The following SLC6A6 variants were observed in gnomAD, a reference collection of about 807,000 sequenced individuals.
SLC6A6 encodes the protein sodium- and chloride-dependent taurine transporter.
A neutral mutation model predicts 68.8 loss-of-function variants in SLC6A6; 16 were observed. The observed-to-expected ratio is 0.23, with a 90% CI of 0.16 to 0.35. The LOEUF is 0.35. Ranked by LOEUF, SLC6A6 falls within the 10% of genes least tolerant of loss-of-function variation. The pLI, the probability that SLC6A6 is intolerant of heterozygous loss-of-function variation, is 1.00. For synonymous variants in SLC6A6, 312 were observed against 315.4 expected, an observed-to-expected ratio of 0.99 and a Z score of 0.12; for missense variants, 474 against 802.8, an observed-to-expected ratio of 0.59 and a Z score of 4.95.
intron 2 of SLC6A6, among the ~76,000 whole-genome samples, chr3:14,439,709 G>A (rs1049445625): frequency 6.6e-6 from 1 of 152,232 alleles, no homozygotes; most frequent in Non-Finnish European, 1.5e-5. Context: ...CGCCTGTGGA[G>A]GAGGACTCGC....
chr3:14,433,781 C>A, intron 2 of SLC6A6, among the ~76,000 whole-genome samples: 1 of 116,596 alleles, frequency 8.6e-6, no homozygotes, highest in East Asian at 2.6e-4. Flanking sequence ...CCAGCTTGGG[C>A]AACAGAGCTA....
chr3:14,482,905 G>A (rs1175864484), intron 14 of SLC6A6, among the ~76,000 whole-genome samples: 2 of 152,090 alleles, frequency 1.3e-5, no homozygotes, highest in Non-Finnish European at 2.9e-5. Context: ...TGACTGTCCC[G>A]AGCCCTCCAG....
At chr3:14,441,706 C>T (rs868636228) in intron 2 of SLC6A6, among the ~76,000 whole-genome samples, 4 of 152,356 alleles carry the variant, frequency 2.6e-5, no homozygotes, top group Middle Eastern at 3.4e-3. Context: ...CTCCACACCC[C>T]AAGTCCTCAG....
At chr3:14,478,304 A>C (rs927261326) in intron 11 of SLC6A6, among the ~76,000 whole-genome samples, 162 bp from the exon 12 acceptor site, 1 of 152,198 alleles carries the variant, frequency 6.6e-6, no homozygotes, top group African/African-American at 2.4e-5. Context: ...TTTGTCAAAC[A>C]TGAAGTTGAG....
At chr3:14,453,860 C>G (rs568181254) in intron 5 of SLC6A6, among the ~76,000 whole-genome samples, 1 of 152,204 alleles carries the variant, frequency 6.6e-6, no homozygotes, top group East Asian at 1.9e-4. Context: ...CTGAGGGAAG[C>G]AGTTAGGTCC....
At chr3:14,443,006 C>T (rs1050480833) in intron 2 of SLC6A6, among the ~76,000 whole-genome samples, 9 of 152,230 alleles carry the variant, frequency 5.9e-5, no homozygotes, top group Non-Finnish European at 1.0e-4. Flanking sequence ...CATCCATTCT[C>T]TATACTTGGA....
chr3:14,402,999 G>T lies in SLC6A6; in HGVS notation c.-54+152G>T, dbSNP rs1699020504. ...ACCACCGCGGAAGGGACCGAGAGTC[G>T]CCTGCTCAGTCCCGCTGGCGGGGCT... On this transcript the variant is annotated intron_variant, in intron 1 of 14. Transcript: ENST00000622186. This position sits in a 1 kb window ranked among gnomAD's most constrained non-coding sequence, Gnocchi z 4.8. Among the ~76,000 whole-genome samples, 2 of 152,212 alleles carry T rather than the reference G, an allele frequency of 1.3e-5. No individual in the cohort carries two copies. Among genetic ancestry groups the T allele is most frequent in the South Asian group, 4.1e-4 (2 of 4,834 alleles).
chr3:14,460,586 G>T (rs1055818094), intron 6 of SLC6A6, among the ~76,000 whole-genome samples: 1 of 152,226 alleles, frequency 6.6e-6, no homozygotes, highest in Non-Finnish European at 1.5e-5. Context: ...GCTGATGTCC[G>T]CCAGGGACAG....
At chr3:14,436,913 C>T (rs1699869680) in intron 2 of SLC6A6, among the ~76,000 whole-genome samples, 1 of 152,212 alleles carries the variant, frequency 6.6e-6, no homozygotes, top group Non-Finnish European at 1.5e-5. Flanking sequence ...CCTAGTTCCC[C>T]AGTTTGTCAG....
intron 14 of SLC6A6, among the ~76,000 whole-genome samples, chr3:14,483,218 G>A (rs1443408153): frequency 1.3e-5 from 2 of 152,236 alleles, no homozygotes; most frequent in East Asian, 3.9e-4. Flanking sequence ...AGTGGGTGAG[G>A]GCAGGCTTCA....
intron 13 of SLC6A6, among the ~76,000 whole-genome samples, chr3:14,479,646 AGT>A (rs1297083652): frequency 1.4e-4 from 22 of 152,192 alleles, no homozygotes; most frequent in African/African-American, 5.3e-4. Context: ...AGGTGGGGGT[AGT>A]AGCTTAGAGA....
chr3:14,421,398 C>G (rs1273954259), intron 2 of SLC6A6, among the ~76,000 whole-genome samples: 1 of 152,164 alleles, frequency 6.6e-6, no homozygotes, highest in Non-Finnish European at 1.5e-5. Flanking sequence ...CTGAGCACAT[C>G]GTTTAACCTC....
chr3:14,427,592 G>A lies in SLC6A6; in HGVS notation c.-12+11139G>A, dbSNP rs546816880. ...CCCGGTGCCCAAGGACCTTCAGCCAGGAGCTGTGGGGTTTCAAAGCTGCCA... is the reference window on the plus strand; with the variant it reads ...CCCGGTGCCCAAGGACCTTCAGCCAAGAGCTGTGGGGTTTCAAAGCTGCCA... On this transcript the variant is annotated intron_variant, in intron 2 of 14. Transcript: ENST00000622186. 1.9e-4 allele frequency among the ~76,000 whole-genome samples: 29 copies of A among 152,344 alleles called. 1 individual carries two copies. In the South Asian group the frequency reaches 5.8e-3, roughly 30 times the overall value.
rs1450844742 is a variant in SLC6A6 at position 14,472,586 on chromosome 3, A to G, written c.1209+269A>G. Among the ~76,000 whole-genome samples, 1 of 151,976 alleles carries G rather than the reference A, an allele frequency of 6.6e-6. No homozygotes were observed. The highest frequency in any genetic ancestry group is 1.5e-5 in the Non-Finnish European group (1 of 67,826). On this transcript the variant is annotated intron_variant, in intron 10 of 14. Coordinates refer to ENST00000622186, the MANE Select transcript of SLC6A6 (RefSeq NM_003043.6). The surrounding 1 kb of genome is among the most constrained non-coding windows in gnomAD (Gnocchi z 4.5). ...ATTATCTGCTAGCAGAGGGGCATCC[A>G]GAGGTTCTCGGAGTGGGTGGGTTAT... is the stretch of plus-strand genomic sequence containing the variant.
At chr3:14,456,269 C>T (rs897528083) in intron 5 of SLC6A6, among the ~76,000 whole-genome samples, 1 of 152,252 alleles carries the variant, frequency 6.6e-6, no homozygotes, top group Non-Finnish European at 1.5e-5. Context: ...GGGGAGCCCA[C>T]TGATGTCGCT....
chr3:14,428,212 G>T (rs1699645105), intron 2 of SLC6A6, among the ~76,000 whole-genome samples: 1 of 152,202 alleles, frequency 6.6e-6, no homozygotes, highest in South Asian at 2.1e-4. Context: ...GAATAGAAGG[G>T]AGGGGGCAGC....
At chr3:14,418,522 CT>C (rs1431879848) in intron 2 of SLC6A6, among the ~76,000 whole-genome samples, 1 of 152,128 alleles carries the variant, frequency 6.6e-6, no homozygotes, top group Non-Finnish European at 1.5e-5. Flanking sequence ...TGGAGGTGAC[CT>C]ACTCGACGTC....
At chr3:14,462,638 G>A (rs1448667002) in intron 6 of SLC6A6, among the ~76,000 whole-genome samples, 1 of 152,150 alleles carries the variant, frequency 6.6e-6, no homozygotes, top group Admixed American at 6.5e-5. Context: ...AGTTGAGACT[G>A]CAGTGAGCTT....
At chr3:14,452,544 T>C (rs1208158322) in intron 5 of SLC6A6, among the ~76,000 whole-genome samples, 1 of 152,204 alleles carries the variant, frequency 6.6e-6, no homozygotes, top group Non-Finnish European at 1.5e-5. Context: ...CGGGCCAGGC[T>C]TGGGAGCCCA....
Sources: gnomAD v4.1 joint callset for allele counts (sites outside exome capture counted in the v4.1 genomes callset) on GRCh38, gnomAD v4.1.1 for gene constraint, Gnocchi (gnomAD v3.1) non-coding constraint, MANE v1.5 for transcripts, NCBI Gene and HGNC (gene_info 2026-07-23, HGNC 2026-07-21) for gene names.